The following CUX1 variants were observed in gnomAD, a reference collection of about 807,000 sequenced individuals.
The protein encoded by CUX1 is protein CASP.
CUX1 carries 31 observed loss-of-function variants against 158.8 expected under a neutral mutation model. The observed-to-expected ratio is 0.20, with a 90% CI of 0.15 to 0.26. CUX1 has a LOEUF of 0.26. Among genes scored for constraint, CUX1 ranks in the 10% least tolerant of loss-of-function variants. CUX1 has a pLI of 1.00. For synonymous variants in CUX1, 879 were observed against 862.1 expected, an observed-to-expected ratio of 1.02 and a Z score of -0.34; for missense variants, 1,589 against 2,014.6, an observed-to-expected ratio of 0.79 and a Z score of 4.04.
chr7:102,202,557 C>G (rs1554520127), intron 18 of CUX1, among the ~76,000 whole-genome samples: 1 of 152,132 alleles, frequency 6.6e-6, no homozygotes, highest in East Asian at 1.9e-4. Context: ...GCAGCCGAGT[C>G]CACATCCAGC....
At chr7:102,041,089 C>G (rs961909987) in intron 3 of CUX1, among the ~76,000 whole-genome samples, 4 of 151,516 alleles carry the variant, frequency 2.6e-5, no homozygotes, top group African/African-American at 9.7e-5. Context: ...GAGTTCAAGA[C>G]CAGCCTGGCC....
chr7:102,030,383 C>T (rs1178876966), intron 3 of CUX1, among the ~76,000 whole-genome samples: 5 of 152,038 alleles, frequency 3.3e-5, no homozygotes, highest in East Asian at 1.9e-4. Context: ...CTCCCCTCCC[C>T]GCCCACCACT....
At chr7:101,870,145 T>TG (rs1554400757) in intron 1 of CUX1, among the ~76,000 whole-genome samples, 3 of 104,008 alleles carry the variant, frequency 2.9e-5, no homozygotes, top group African/African-American at 1.4e-4. Flanking sequence ...ATGTTTAGTG[T>TG]TTTTTTTGTT....
chr7:102,131,304 A>G (rs1426166225), intron 8 of CUX1, among the ~76,000 whole-genome samples: 1 of 152,040 alleles, frequency 6.6e-6, no homozygotes, highest in Non-Finnish European at 1.5e-5. Flanking sequence ...TCATTTTCTT[A>G]TAGTAGCTTT....
At chr7:102,183,525 G>C (rs891267141) in intron 11 of CUX1, among the ~76,000 whole-genome samples, 9 of 152,130 alleles carry the variant, frequency 5.9e-5, no homozygotes, top group Non-Finnish European at 1.2e-4. Flanking sequence ...CTCCATGCCT[G>C]CTGCCTCTGC....
Position 102,146,581 on chromosome 7 carries a change from G to A in CUX1, c.675-11979G>A, listed in dbSNP as rs184290861. 1.1e-3 allele frequency among the ~76,000 whole-genome samples: 166 copies of A among 152,134 alleles called. 2 individuals are homozygous for A. The highest frequency in any genetic ancestry group is 3.8e-3 in the African/African-American group (157 of 41,502). ...CTTAACCAAACTCGTTCTTATGTTC[G>A]TTGGTTTGTTTTTTCTTTCTTTCTT... On this transcript the variant is annotated intron_variant, in intron 8 of 23. Transcript: ENST00000292535.
chr7:102,197,027 C>T lies in CUX1; in HGVS notation c.1616C>T (p.Ser539Leu). ...GGCATGGCCCCATCCCCCAGCCAGT[C>T]AGAAAGTGCTGGGAGCGTCTCCGAG... ...VNGMAPSPSQ[S>L]ESAGSVSEGE... Residue 539 changes from serine (S) to leucine (L), a missense_variant, in exon 15 of 24, where the codon TCA becomes TTA. Around this residue, in one of 8 missense-constraint regions of CUX1, gnomAD observed 515 missense variants for 574.4 expected, o/e 0.90. Coordinates refer to ENST00000292535, the MANE Select transcript of CUX1 (RefSeq NM_181552.4). 6.2e-7 allele frequency: 1 copy of T among 1,614,234 alleles called. No homozygotes were observed. Among genetic ancestry groups the T allele is most frequent in the South Asian group, 1.1e-5 (1 of 91,082 alleles).
chr7:101,830,346 C>T (rs957955515), intron 1 of CUX1, among the ~76,000 whole-genome samples: 2 of 152,234 alleles, frequency 1.3e-5, no homozygotes, highest in Non-Finnish European at 2.9e-5. Flanking sequence ...CAGTGGCCGA[C>T]TGGCCTGAAA....
chr7:102,126,877 CTTGT>C (rs1832692128), intron 8 of CUX1, among the ~76,000 whole-genome samples: 1 of 152,196 alleles, frequency 6.6e-6, no homozygotes, highest in Non-Finnish European at 1.5e-5. Context: ...GAGCCCTGAG[CTTGT>C]TTTTCTGCAA....
At chr7:101,897,105 A>G (rs1295878831) in intron 1 of CUX1, among the ~76,000 whole-genome samples, 1 of 152,246 alleles carries the variant, frequency 6.6e-6, no homozygotes, top group South Asian at 2.1e-4. Context: ...ATTTATATCA[A>G]GCAAACTATT....
chr7:102,030,373 C>T (rs77859486), intron 3 of CUX1, among the ~76,000 whole-genome samples: 3 of 151,986 alleles, frequency 2.0e-5, no homozygotes, highest in African/African-American at 7.2e-5. Flanking sequence ...TACCTCCCCC[C>T]TCCCCTCCCC....
chr7:102,232,786 G>A (rs1347738354), intron 21 of CUX1, among the ~76,000 whole-genome samples: 2 of 152,142 alleles, frequency 1.3e-5, no homozygotes, highest in Non-Finnish European at 2.9e-5. Context: ...CCTGTGAAGC[G>A]GGCTGCCTGC....
In CUX1 at chr7:102,168,120, T is replaced by C. The variant is rs200731466; in HGVS notation, c.724-2326T>C. 7.3e-5 allele frequency among the ~76,000 whole-genome samples: 11 copies of C among 151,082 alleles called. No homozygotes were observed. In the East Asian group the frequency reaches 1.9e-3, roughly 27 times the overall value. ...AAAAAAACCAGTTGATTAATTAGCATGAACCAGAAATCACCTCTACAGTCC... is the reference window on the plus strand; with the variant it reads ...AAAAAAACCAGTTGATTAATTAGCACGAACCAGAAATCACCTCTACAGTCC... On this transcript the variant is annotated intron_variant, in intron 9 of 23. Coordinates refer to ENST00000292535, the MANE Select transcript of CUX1 (RefSeq NM_181552.4).
chr7:102,274,267 G>C (rs781817976), exon 16 of CUX1: 7 of 1,613,574 alleles, frequency 4.3e-6, no homozygotes, highest in Non-Finnish European at 5.9e-6. Context: ...ACCGCCTGGA[G>C]AAGATCCCAG....
rs534428648 is a variant in CUX1 at position 102,180,804 on chromosome 7, G to A, written c.1017+2147G>A. On this transcript the variant is annotated intron_variant, in intron 11 of 23. Transcript: ENST00000292535. ...ACCCATTCACTGAGAACTGCCCAGC[G>A]CCGGGTCCCTTGGAGGAGACAGTCC... is the stretch of plus-strand genomic sequence containing the variant. Among the ~76,000 whole-genome samples the A allele has an allele frequency of 4.6e-5, 7 of 151,852 alleles. No individual in the cohort carries two copies. The South Asian group carries it at 6.2e-4, about 14-fold the overall frequency.
At chr7:101,987,714 G>A (rs1272291125) in intron 2 of CUX1, among the ~76,000 whole-genome samples, 1 of 152,200 alleles carries the variant, frequency 6.6e-6, no homozygotes. Flanking sequence ...GAGGGCCCTT[G>A]GTCATCCGAG....
intron 2 of CUX1, among the ~76,000 whole-genome samples, chr7:102,012,811 A>C (rs1424396432): frequency 1.3e-5 from 2 of 152,194 alleles, no homozygotes; most frequent in Admixed American, 6.5e-5. Flanking sequence ...GAGAATTCTT[A>C]AATCATCTTA....
intron 14 of CUX1, among the ~76,000 whole-genome samples, chr7:102,270,782 C>A (rs1288055963): frequency 6.6e-6 from 1 of 152,204 alleles, no homozygotes; most frequent in African/African-American, 2.4e-5. Flanking sequence ...TCCAGGATAG[C>A]GGGCCACCAG....
chr7:102,058,813 G>A (rs28752001), intron 3 of CUX1, among the ~76,000 whole-genome samples: 2 of 152,170 alleles, frequency 1.3e-5, no homozygotes, highest in South Asian at 2.1e-4. Flanking sequence ...GGATTTACCC[G>A]AGGGAGGTAG....
Sources: gnomAD v4.1 joint callset for allele counts (sites outside exome capture counted in the v4.1 genomes callset) on GRCh38, gnomAD v4.1.1 for gene constraint, gnomAD v4.1.1 regional missense constraint, MANE v1.5 for transcripts, NCBI Gene and HGNC (gene_info 2026-07-23, HGNC 2026-07-21) for gene names.